TM9SF3: variants seen among roughly 807,000 people sequenced by gnomAD.
TM9SF3 encodes transmembrane 9 superfamily member 3, also known as SM-11044-binding protein.
In TM9SF3, 14 loss-of-function variants were observed where a neutral mutation model predicts 78.6. The observed-to-expected ratio is 0.18, with a 90% CI of 0.12 to 0.28. The LOEUF is 0.28. TM9SF3 is among the 10% of genes least tolerant of loss of function. The pLI, the probability that TM9SF3 is intolerant of heterozygous loss-of-function variation, is 1.00. For missense variants in TM9SF3, 496 were observed against 721.9 expected (o/e 0.69, Z 3.59); for synonymous variants, 231 against 241.7 (o/e 0.96, Z 0.41).
chr10:96,564,243 C>T (rs1272121142), intron 3 of TM9SF3, among the ~76,000 whole-genome samples: 2 of 151,884 alleles, frequency 1.3e-5, no homozygotes, highest in African/African-American at 4.8e-5. Flanking sequence ...AATGAGCTAT[C>T]ATGGCATCAC....
chr10:96,551,364 A>C lies in TM9SF3; in HGVS notation c.840T>G (p.Asp280Glu). The C allele has an allele frequency of 6.2e-7, 1 of 1,612,490 alleles. No individual in the cohort carries two copies. Among genetic ancestry groups the C allele is most frequent in the South Asian group, 1.1e-5 (1 of 91,028 alleles). ...GTGGGTGACTTGATGGTCTAAATAC[A>C]TCTCCATGCACCTGTTTCCATCCAT... ...DEYGWKQVHGDVFRPSSHPLI... is the reference protein window; with the variant it reads ...DEYGWKQVHGEVFRPSSHPLI... Residue 280 changes from aspartate to glutamate, a missense_variant, in exon 7 of 15, where the codon GAT becomes GAG. By Grantham distance (45) the Asp-to-Glu change is conservative. Coordinates refer to ENST00000371142, the MANE Select transcript of TM9SF3 (RefSeq NM_020123.4).
intron 9 of TM9SF3, among the ~76,000 whole-genome samples, chr10:96,538,678 A>G (rs1203552725): frequency 6.6e-6 from 1 of 152,190 alleles, no homozygotes; most frequent in Non-Finnish European, 1.5e-5. Context: ...AACTCTTATC[A>G]CTCAATAAGA....
intron 14 of TM9SF3, among the ~76,000 whole-genome samples, chr10:96,523,714 AG>A (rs1847807226): frequency 6.6e-6 from 1 of 151,916 alleles, no homozygotes; most frequent in South Asian, 2.1e-4. Flanking sequence ...ATGACACTTC[AG>A]CAATATAATC....
Position 96,576,787 on chromosome 10 carries a change from C to T in TM9SF3, c.145G>A (p.Gly49Arg). 1 of 1,579,970 alleles carries T rather than the reference C, an allele frequency of 6.3e-7. No homozygotes were observed. The highest frequency in any genetic ancestry group is 8.6e-7 in the Non-Finnish European group (1 of 1,166,522). Residue 49 changes from glycine to arginine, a missense_variant, in exon 2 of 15, where the codon GGG (glycine) becomes AGG (arginine). By Grantham distance (125) the Gly-to-Arg change is moderately radical. Transcript: ENST00000371142. ...EEVVLWMNTV[G>R]PYHNRQETYK... ...GTTTCTTGACGATTATGGTAGGGCC[C>T]AACAGTATTCATCCATAAGACAACT...
chr10:96,575,913 A>C (rs1230920835), intron 2 of TM9SF3, among the ~76,000 whole-genome samples: 3 of 152,244 alleles, frequency 2.0e-5, no homozygotes, highest in African/African-American at 7.2e-5. Context: ...AGAAAAATGA[A>C]AAGTATAAAC....
chr10:96,582,123 T>C (rs532999497), intron 1 of TM9SF3, among the ~76,000 whole-genome samples: 72 of 152,096 alleles, frequency 4.7e-4, no homozygotes, highest in African/African-American at 1.7e-3. Flanking sequence ...AAAAAAAATC[T>C]GACTTTGTGA....
At chr10:96,532,906 A>T in intron 10 of TM9SF3, 145 bp downstream of exon 10, 4 of 952,222 alleles carry the variant, frequency 4.2e-6, no homozygotes, top group Non-Finnish European at 6.2e-6. Context: ...AGGTTAAAGG[A>T]AATAGTAAAA....
At chr10:96,530,824 AC>A (rs1847886087) in intron 10 of TM9SF3, among the ~76,000 whole-genome samples, 1 of 152,244 alleles carries the variant, frequency 6.6e-6, no homozygotes, top group Admixed American at 6.5e-5. Context: ...TGCATTAAAG[AC>A]TGAGACAAGT....
chr10:96,568,983 T>C (rs984503013), intron 2 of TM9SF3, among the ~76,000 whole-genome samples: 1 of 151,896 alleles, frequency 6.6e-6, no homozygotes, highest in African/African-American at 2.4e-5. Context: ...AGCCCAGGAG[T>C]TCGAGACCAG....
At chr10:96,531,981 T>C (rs935843210) in intron 10 of TM9SF3, among the ~76,000 whole-genome samples, 2 of 151,868 alleles carry the variant, frequency 1.3e-5, no homozygotes, top group African/African-American at 4.8e-5. Flanking sequence ...GAGACCGAGG[T>C]GGGCAGATCA....
At position 96,521,380 on chromosome 10, in the gene TM9SF3, C is replaced by G. The variant is rs1847770321; in HGVS notation, c.*883G>C. On this transcript the variant is annotated 3_prime_UTR_variant, in exon 15 of 15. Coordinates refer to ENST00000371142, the MANE Select transcript of TM9SF3 (RefSeq NM_020123.4). ...GTTTTTAATAATTTCTTATGTAAAA[C>G]CTTCATTCAAACCCAAAAGATTTAA... 1 of 152,556 alleles carries G rather than the reference C, an allele frequency of 6.6e-6. No homozygotes were observed. Among genetic ancestry groups the G allele is most frequent in the Admixed American group, 6.6e-5 (1 of 15,224 alleles). 9.5% of individuals were successfully genotyped at this position (152,556 alleles called of 1,614,324 possible).
rs1847731303 is a variant in TM9SF3, at chr10:96,519,185, A to G, written c.*3078T>C. On this transcript the variant is annotated 3_prime_UTR_variant, in exon 15 of 15. Transcript: ENST00000371142. ...TGGTATAAGGTGGTTAATAAATATT[A>G]GGAAACAAACACTGTACCAAAATGG... 6.6e-6 allele frequency: 1 copy of G among 152,098 alleles called. No individual in the cohort carries two copies. The highest frequency in any genetic ancestry group is 1.5e-5 in the Non-Finnish European group (1 of 67,916). The allele number at this position is 152,098 out of a possible 1,614,324, so 9.4% of individuals were successfully genotyped here.
chr10:96,567,892 A>G (rs1848396765), intron 2 of TM9SF3, among the ~76,000 whole-genome samples: 2 of 152,244 alleles, frequency 1.3e-5, no homozygotes, highest in African/African-American at 2.4e-5. Flanking sequence ...GTACCTATAC[A>G]TGCATCTGTG....
At chr10:96,533,713 C>A (rs1847922634) in intron 9 of TM9SF3, among the ~76,000 whole-genome samples, 1 of 152,090 alleles carries the variant, frequency 6.6e-6, no homozygotes, top group Non-Finnish European at 1.5e-5. Context: ...AGCCTCAAAG[C>A]CCACACTCTT....
At chr10:96,581,631 C>G (rs561451030) in intron 1 of TM9SF3, among the ~76,000 whole-genome samples, 1 of 152,156 alleles carries the variant, frequency 6.6e-6, no homozygotes, top group Non-Finnish European at 1.5e-5. Flanking sequence ...ATTTAACAAT[C>G]TACATTAGAT....
chr10:96,527,186 T>C, intron 14 of TM9SF3, 27 bp downstream of exon 14: 2 of 1,578,430 alleles, frequency 1.3e-6, no homozygotes, highest in South Asian at 1.1e-5. Flanking sequence ...GATTTACTCA[T>C]GATGTTCAAA....
chr10:96,573,696 T>C (rs1848464098), intron 2 of TM9SF3, among the ~76,000 whole-genome samples: 1 of 151,990 alleles, frequency 6.6e-6, no homozygotes, highest in South Asian at 2.1e-4. Flanking sequence ...GGTTTAAGAT[T>C]GCCAAATAAG....
intron 14 of TM9SF3, among the ~76,000 whole-genome samples, 167 bp from the exon 15 acceptor site, chr10:96,522,497 A>C (rs117239024): frequency 0.013 from 1,960 of 151,986 alleles, 31 homozygotes; most frequent in Non-Finnish European, 0.016. Context: ...TTGCTTTGCA[A>C]ATCACCTGAT....
In TM9SF3 at chr10:96,521,437, T is replaced by C. The variant is rs1215404222; in HGVS notation, c.*826A>G. ...CTTGGGGGGAAAAAAGATAATCACT[T>C]TAGACATTCAGTTAAAATGTAGTTT... On this transcript the variant is annotated 3_prime_UTR_variant, in exon 15 of 15. Transcript: ENST00000371142. 6.6e-6 allele frequency: 1 copy of C among 152,406 alleles called. No individual in the cohort carries two copies. Among genetic ancestry groups the C allele is most frequent in the Non-Finnish European group, 1.5e-5 (1 of 67,880 alleles). The allele number at this position is 152,406 out of a possible 1,614,324, so 9.4% of individuals were successfully genotyped here. A position where few individuals can be genotyped will look rare whatever the true frequency, so the allele number is the denominator to read the frequency against.
Sources: gnomAD v4.1 joint callset for allele counts (sites outside exome capture counted in the v4.1 genomes callset) on GRCh38, gnomAD v4.1.1 for gene constraint, MANE v1.5 for transcripts, NCBI Gene and HGNC (gene_info 2026-07-23, HGNC 2026-07-21) for gene names.